The following AMD1 variants were observed in gnomAD, a reference collection of about 807,000 sequenced individuals.
AMD1 encodes the protein adenosylmethionine decarboxylase 1.
Under a neutral mutation model 40.2 loss-of-function variants are expected in AMD1, and 11 were observed. That is an observed-to-expected ratio of 0.27 (90% CI 0.17 to 0.45). The LOEUF (loss-of-function observed/expected upper bound fraction) is 0.45. AMD1 is among the 20% of genes least tolerant of loss of function. AMD1 has a pLI of 1.00. For synonymous variants in AMD1, 121 were observed against 130.8 expected (o/e 0.93, Z 0.51); for missense variants, 257 against 410.2 (o/e 0.63, Z 3.23).
the AMD1 span, chr6:110,858,222 C>T: frequency 5.2e-6 from 4 of 773,680 alleles, no homozygotes. Flanking sequence ...CCCATCCTGC[C>T]GCAGCGCGCG....
the AMD1 span, among the ~76,000 whole-genome samples, chr6:110,856,061 C>T: frequency 6.6e-6 from 1 of 152,056 alleles, no homozygotes; most frequent in South Asian, 2.1e-4. Flanking sequence ...GCCTGGGCAA[C>T]AGAGCAAGAC....
At chr6:110,870,254 C>T (rs1784890401), upstream of AMD1, among the ~76,000 whole-genome samples, 1 of 152,178 alleles carries the variant, frequency 6.6e-6, no homozygotes. Flanking sequence ...AACTGACTCC[C>T]CAAATTTCTG....
the AMD1 span, among the ~76,000 whole-genome samples, chr6:110,818,819 C>T: frequency 1.3e-5 from 2 of 152,144 alleles, no homozygotes; most frequent in African/African-American, 2.4e-5. Flanking sequence ...ATTATAGGCG[C>T]GAGCCTAATT....
At chr6:110,819,526 G>A in the AMD1 span, among the ~76,000 whole-genome samples, 1 of 152,170 alleles carries the variant, frequency 6.6e-6, no homozygotes, top group South Asian at 2.1e-4. Context: ...TGAGAATTTT[G>A]ACTTCAGCAA....
chr6:110,877,994 A>G (rs1391642224), intron 1 of AMD1, among the ~76,000 whole-genome samples: 2 of 152,290 alleles, frequency 1.3e-5, no homozygotes, highest in East Asian at 1.9e-4. Flanking sequence ...TATGAGGGAG[A>G]AAAAAATCCT....
At chr6:110,823,006 T>C in the AMD1 span, among the ~76,000 whole-genome samples, 5 of 152,090 alleles carry the variant, frequency 3.3e-5, no homozygotes, top group African/African-American at 4.8e-5. Context: ...ATCCCAGTAC[T>C]CAGGAGGCTG....
At chr6:110,841,657 C>A in the AMD1 span, among the ~76,000 whole-genome samples, 1 of 150,648 alleles carries the variant, frequency 6.6e-6, no homozygotes, top group Non-Finnish European at 1.5e-5. Flanking sequence ...GGACAAGCTG[C>A]GTAAGGGATA....
the AMD1 span, among the ~76,000 whole-genome samples, chr6:110,842,151 A>T: frequency 1.3e-5 from 2 of 152,048 alleles, no homozygotes; most frequent in African/African-American, 4.8e-5. Flanking sequence ...GACTCAAACT[A>T]CCTATTGATA....
At chr6:110,852,502 G>C in the AMD1 span, among the ~76,000 whole-genome samples, 1 of 152,028 alleles carries the variant, frequency 6.6e-6, no homozygotes. Context: ...TTACAGGCGT[G>C]AGCCACTGCA....
chr6:110,888,086 A>G (rs1040555688), intron 2 of AMD1, among the ~76,000 whole-genome samples: 2 of 152,118 alleles, frequency 1.3e-5, no homozygotes, highest in Non-Finnish European at 2.9e-5. Context: ...CGGACAGTTC[A>G]AGGTGTTTGC....
the AMD1 span, among the ~76,000 whole-genome samples, chr6:110,852,970 G>A: frequency 0.22 from 31,865 of 147,410 alleles, 4,170 homozygotes; most frequent in East Asian, 0.66. Context: ...TGCATCATTG[G>A]CTAATTAAGC....
chr6:110,847,063 G>GTGTGGTGTGT, the AMD1 span, among the ~76,000 whole-genome samples: 4 of 143,180 alleles, frequency 2.8e-5, no homozygotes, highest in East Asian at 8.6e-4. Flanking sequence ...GTGTGTGTGT[G>GTGTGGTGTGT]GTGTGTGTGT....
At chr6:110,848,549 A>C in the AMD1 span, 1 of 364,276 alleles carries the variant, frequency 2.7e-6, no homozygotes, top group Non-Finnish European at 4.7e-6. Flanking sequence ...ACAAAACTGC[A>C]CTTATGTATG....
the AMD1 span, among the ~76,000 whole-genome samples, chr6:110,840,435 TG>T: frequency 6.6e-6 from 1 of 152,102 alleles, no homozygotes; most frequent in Non-Finnish European, 1.5e-5. Flanking sequence ...ACCCACTCTT[TG>T]GGTTCAATGA....
Position 110,874,896 on chromosome 6 carries a change from C to CA in AMD1, c.-209dup. Reference sequence around the variant, plus strand: ...TATCTGCCTCTATTTCCAAAAGACTCACGTTCAACTTTCGCTCACACAAAG... The same window carrying CA: ...TATCTGCCTCTATTTCCAAAAGACTCAACGTTCAACTTTCGCTCACACAAAG... On this transcript the variant is annotated 5_prime_UTR_variant, in exon 1 of 9. Coordinates refer to ENST00000368885, the MANE Select transcript of AMD1 (RefSeq NM_001634.6). 1 of 553,360 alleles carries CA rather than the reference C, an allele frequency of 1.8e-6. No homozygotes were observed. Among genetic ancestry groups the CA allele is most frequent in the South Asian group, 2.3e-5 (1 of 43,988 alleles). The allele number at this position is 553,360 out of a possible 1,614,324, so 34.3% of individuals were successfully genotyped here.
chr6:110,836,988 T>C, the AMD1 span, among the ~76,000 whole-genome samples: 2 of 151,856 alleles, frequency 1.3e-5, no homozygotes, highest in Non-Finnish European at 1.5e-5. Context: ...ACCTTGTCTC[T>C]ACAAATTTTT....
chr6:110,842,226 T>G, the AMD1 span, among the ~76,000 whole-genome samples: 1 of 152,204 alleles, frequency 6.6e-6, no homozygotes, highest in Non-Finnish European at 1.5e-5. Context: ...CAGTACTAAC[T>G]GCCTTTGTTC....
chr6:110,845,779 A>G, the AMD1 span, among the ~76,000 whole-genome samples: 1 of 152,208 alleles, frequency 6.6e-6, no homozygotes, highest in Non-Finnish European at 1.5e-5. Context: ...CAGACAGCCT[A>G]CTGTGGGACT....
At chr6:110,822,605 A>T in the AMD1 span, among the ~76,000 whole-genome samples, 1 of 152,102 alleles carries the variant, frequency 6.6e-6, no homozygotes, top group Admixed American at 6.6e-5. Context: ...TTTAAAAAAA[A>T]GAAATCTTAT....
Sources: gnomAD v4.1 joint callset for allele counts (sites outside exome capture counted in the v4.1 genomes callset) on GRCh38, gnomAD v4.1.1 for gene constraint, MANE v1.5 for transcripts, NCBI Gene and HGNC (gene_info 2026-07-23, HGNC 2026-07-21) for gene names.